CADPS: variants seen among roughly 807,000 people sequenced by gnomAD.
CADPS encodes calcium-dependent secretion activator 1.
CADPS carries 57 observed loss-of-function variants against 167.3 expected under a neutral mutation model. The observed-to-expected ratio is 0.34, with a 90% CI of 0.28 to 0.42. CADPS has a LOEUF of 0.42. Ranked by LOEUF, CADPS falls within the 20% of genes least tolerant of loss-of-function variation. The pLI, the probability that CADPS is intolerant of heterozygous loss-of-function variation, is 1.00. For synonymous variants in CADPS, 676 were observed against 635.3 expected (o/e 1.06, Z -0.96); for missense variants, 1,414 against 1,738.1 (o/e 0.81, Z 3.32).
intron 3 of CADPS, among the ~76,000 whole-genome samples, chr3:62,738,866 C>T (rs2079577107): frequency 6.6e-6 from 1 of 152,104 alleles, no homozygotes; most frequent in African/African-American, 2.4e-5. Flanking sequence ...TATAATAAAA[C>T]ATTGACTGTT....
intron 2 of CADPS, among the ~76,000 whole-genome samples, chr3:62,764,156 G>A (rs2086258343): frequency 6.6e-6 from 1 of 152,130 alleles, no homozygotes; most frequent in Non-Finnish European, 1.5e-5. Flanking sequence ...TGCTTGGCCT[G>A]ACAAGGGTTC....
intron 6 of CADPS, among the ~76,000 whole-genome samples, chr3:62,617,354 AT>A (rs973591127): frequency 4.6e-5 from 7 of 152,188 alleles, no homozygotes; most frequent in African/African-American, 7.2e-5. Flanking sequence ...TGGAAAAAAA[AT>A]ATATGGATGA....
chr3:62,655,433 T>C (rs1383206403), intron 4 of CADPS, among the ~76,000 whole-genome samples: 1 of 152,218 alleles, frequency 6.6e-6, no homozygotes, highest in Non-Finnish European at 1.5e-5. Context: ...CAAAAAAATC[T>C]CTGTTGGCCA....
chr3:62,816,160 C>G (rs2152902253), intron 1 of CADPS, among the ~76,000 whole-genome samples: 1 of 152,028 alleles, frequency 6.6e-6, no homozygotes, highest in South Asian at 2.1e-4. Flanking sequence ...TTGTTATGGC[C>G]AAAAGGAAGA....
intron 2 of CADPS, 54 bp downstream of exon 2, chr3:62,765,816 TC>T: frequency 8.6e-7 from 1 of 1,167,704 alleles, no homozygotes; most frequent in Non-Finnish European, 1.3e-6. Flanking sequence ...CAGCTCAGAC[TC>T]CCCAGGCATA....
At chr3:62,588,938 G>T (rs1001940986) in intron 7 of CADPS, among the ~76,000 whole-genome samples, 1 of 152,174 alleles carries the variant, frequency 6.6e-6, no homozygotes, top group African/African-American at 2.4e-5. Flanking sequence ...GGTACATGCA[G>T]AGACTATCTG....
intron 1 of CADPS, among the ~76,000 whole-genome samples, chr3:62,841,453 T>C (rs1463132458): frequency 6.6e-6 from 1 of 152,194 alleles, no homozygotes; most frequent in Non-Finnish European, 1.5e-5. Flanking sequence ...TGATGGCTCA[T>C]GCCTGTAATC....
chr3:62,862,184 C>T (rs1488498276), intron 1 of CADPS, among the ~76,000 whole-genome samples: 2 of 150,934 alleles, frequency 1.3e-5, no homozygotes, highest in African/African-American at 4.9e-5. Flanking sequence ...AAATTTAGTC[C>T]TCATAAAAAT....
chr3:62,478,490 C>G lies in CADPS; in HGVS notation c.3174-74G>C. The G allele has an allele frequency of 7.0e-7, 1 of 1,433,112 alleles. No homozygotes were observed. The highest frequency in any genetic ancestry group is 1.2e-5 in the South Asian group (1 of 80,590). 88.8% of individuals were successfully genotyped at this position (1,433,112 alleles called of 1,614,324 possible). On this transcript the variant is annotated intron_variant, in intron 22 of 29. Transcript: ENST00000383710. This position sits in a 1 kb window ranked among gnomAD's most constrained non-coding sequence, Gnocchi z 5.7. Reference sequence around the variant, plus strand: ...TCTACAAAAACTAACACAGAGACAACTGGGGGCTAGAAGGCAAACAGCAGC... The same window carrying G: ...TCTACAAAAACTAACACAGAGACAAGTGGGGGCTAGAAGGCAAACAGCAGC...
At chr3:62,809,863 A>G (rs2094311243) in intron 1 of CADPS, among the ~76,000 whole-genome samples, 1 of 152,162 alleles carries the variant, frequency 6.6e-6, no homozygotes, top group South Asian at 2.1e-4. Flanking sequence ...TGTTTATTTA[A>G]TAGACTCTCA....
chr3:62,666,523 C>T (rs1320697927), intron 3 of CADPS, among the ~76,000 whole-genome samples: 3 of 152,142 alleles, frequency 2.0e-5, no homozygotes, highest in Non-Finnish European at 2.9e-5. Context: ...AAGCCTTTCA[C>T]GTTGGCAGAT....
chr3:62,874,745 C>G lies in CADPS; in HGVS notation c.285G>C (p.Ser95=), dbSNP rs1347001018. The G allele has an allele frequency of 2.6e-6, 4 of 1,512,402 alleles. No homozygotes were observed. Among genetic ancestry groups the G allele is most frequent in the Admixed American group, 2.0e-5 (1 of 50,792 alleles). The allele number at this position is 1,512,402 out of a possible 1,614,324, so 93.7% of individuals were successfully genotyped here. A position where few individuals can be genotyped will look rare whatever the true frequency, so the allele number is the denominator to read the frequency against. Residue 95 remains serine (S), a synonymous_variant, in exon 1 of 30, where the codon TCG becomes TCC. Coordinates refer to ENST00000383710, the MANE Select transcript of CADPS (RefSeq NM_003716.4). The surrounding 1 kb of genome is among the most constrained non-coding windows in gnomAD (Gnocchi z 7.1). The part of the protein sequence containing the change: ...GGGRPSSPSP[S]VVSEKEKEEL... ...CTTCCTTCTCCTTCTCGCTCACCAC[C>G]GACGGGCTGGGGCTGGAGGGCCGGC...
rs1236871206 is a variant in CADPS at position 62,421,438 on chromosome 3, T to C, written c.3777+16666A>G. On this transcript the variant is annotated intron_variant, in intron 28 of 29. Transcript: ENST00000383710. The surrounding 1 kb of genome is among the most constrained non-coding windows in gnomAD (Gnocchi z 4.7). Reference sequence around the variant, plus strand: ...TTTTCACTCTTTATTCTTCCCTTTTTGCTGACAGATGTACAAAGGCGGAAC... The same window carrying C: ...TTTTCACTCTTTATTCTTCCCTTTTCGCTGACAGATGTACAAAGGCGGAAC... Among the ~76,000 whole-genome samples the C allele has an allele frequency of 6.6e-6, 1 of 152,220 alleles. No homozygotes were observed. Among genetic ancestry groups the C allele is most frequent in the East Asian group, 1.9e-4 (1 of 5,188 alleles).
intron 5 of CADPS, 112 bp downstream of exon 5, chr3:62,650,735 T>A: frequency 1.4e-6 from 1 of 720,288 alleles, no homozygotes; most frequent in African/African-American, 1.8e-5. Flanking sequence ...TGCTGTTATT[T>A]TAATAACTGC....
chr3:62,445,823 G>A lies in CADPS; in HGVS notation c.3637-26C>T, dbSNP rs368345155. The stretch of plus-strand genomic sequence containing the variant: ...CTAAAGAGGAAAGAAGAGGATGGAA[G>A]TGAGGCTGGTGTTTATGTTTAATTG... On this transcript the variant is annotated intron_variant, in intron 26 of 29. Transcript: ENST00000383710. 11 of 1,470,934 alleles carry A rather than the reference G, an allele frequency of 7.5e-6. No homozygotes were observed. In the African/African-American group the frequency reaches 1.6e-4, roughly 22 times the overall value. The allele number at this position is 1,470,934 out of a possible 1,614,324, so 91.1% of individuals were successfully genotyped here.
chr3:62,527,433 A>G (rs2072563147), intron 13 of CADPS, among the ~76,000 whole-genome samples: 1 of 149,214 alleles, frequency 6.7e-6, no homozygotes, highest in Non-Finnish European at 1.5e-5. Context: ...GATATTACCA[A>G]ATGTTCTGTG....
At chr3:62,834,695 T>C (rs900478857) in intron 1 of CADPS, among the ~76,000 whole-genome samples, 2 of 152,172 alleles carry the variant, frequency 1.3e-5, no homozygotes, top group Admixed American at 1.3e-4. Flanking sequence ...TCACCAAGTA[T>C]TCAGTAGTAT....
At chr3:62,617,581 CAT>C (rs2062521765) in intron 6 of CADPS, among the ~76,000 whole-genome samples, 1 of 152,002 alleles carries the variant, frequency 6.6e-6, no homozygotes, top group Non-Finnish European at 1.5e-5. Flanking sequence ...ATGAACAAGA[CAT>C]GTGTGATGAG....
intron 1 of CADPS, among the ~76,000 whole-genome samples, chr3:62,812,094 C>T (rs2094419324): frequency 6.6e-6 from 1 of 151,850 alleles, no homozygotes; most frequent in Admixed American, 6.6e-5. Context: ...GTAAAAGAGG[C>T]AAAATACATA....
Sources: gnomAD v4.1 joint callset for allele counts (sites outside exome capture counted in the v4.1 genomes callset) on GRCh38, gnomAD v4.1.1 for gene constraint, Gnocchi (gnomAD v3.1) non-coding constraint, MANE v1.5 for transcripts, NCBI Gene and HGNC (gene_info 2026-07-23, HGNC 2026-07-21) for gene names.